TEX15: variants seen among roughly 807,000 people sequenced by gnomAD.
The protein encoded by TEX15 is testis-expressed protein 15.
A neutral mutation model predicts 237.3 loss-of-function variants in TEX15; 171 were observed. The ratio of observed to expected loss-of-function variants is 0.72; its 90% CI spans 0.64 to 0.82. The LOEUF (loss-of-function observed/expected upper bound fraction) is 0.82. Among genes scored for constraint, TEX15 ranks in the 40% least tolerant of loss-of-function variants. The pLI is 0.00. For missense variants in TEX15, 3,750 were observed against 3,646.5 expected (o/e 1.03, Z -0.73); for synonymous variants, 1,338 against 1,269.8 (o/e 1.05, Z -1.14).
At chr8:30,886,369 T>G (rs889571420) in intron 3 of TEX15, among the ~76,000 whole-genome samples, 1 of 152,200 alleles carries the variant, frequency 6.6e-6, no homozygotes, top group African/African-American at 2.4e-5. Flanking sequence ...TGGTCCCCAC[T>G]CATCCTCCAC....
chr8:30,845,731 T>C lies in TEX15; in HGVS notation c.4436A>G (p.Lys1479Arg). ...AAGGCATTTTTTCTCTCCACTTGTT[T>C]TATAAGACTTGTGCTTTGACACATG... ...LTHVSKHKSY[K>R]TSGEKKCLSR... The change falls in exon 8 of 11, where the codon AAA becomes AGA. Residue 1479 changes from lysine (K) to arginine (R), a missense_variant. Transcript: ENST00000643185. The C allele has an allele frequency of 6.2e-7, 1 of 1,613,686 alleles. No homozygotes were observed. The highest frequency in any genetic ancestry group is 8.5e-7 in the Non-Finnish European group (1 of 1,179,646).
In TEX15 at chr8:30,844,084, G is replaced by C; in HGVS notation, c.6083C>G (p.Pro2028Arg). The change falls in exon 8 of 11, where the codon CCT (proline) becomes CGT (arginine). Residue 2028 changes from proline to arginine, a missense_variant. Transcript: ENST00000643185. Reference protein sequence around the residue: ...EETKVCLNILPLFVEAFERKQ... With the variant: ...EETKVCLNILRLFVEAFERKQ... ...TCTTTCAAAAGCTTCCACAAATAAA[G>C]GGAGAATATTTAGACAAACCTTAGT... 1.2e-6 allele frequency: 2 copies of C among 1,612,756 alleles called. No individual in the cohort carries two copies. Among genetic ancestry groups the C allele is most frequent in the Non-Finnish European group, 1.7e-6 (2 of 1,179,492 alleles).
At chr8:30,903,931 C>T (rs1809050308) in intron 1 of TEX15, among the ~76,000 whole-genome samples, 2 of 152,074 alleles carry the variant, frequency 1.3e-5, no homozygotes, top group Non-Finnish European at 2.9e-5. Flanking sequence ...ATGTACAACC[C>T]CAAACTGAGT....
Position 30,873,448 on chromosome 8 carries a change from T to G in TEX15, c.302+1489A>C, listed in dbSNP as rs1356051876. 2.6e-5 allele frequency among the ~76,000 whole-genome samples: 4 copies of G among 152,152 alleles called. No homozygotes were observed. The East Asian group carries it at 7.7e-4, about 29-fold the overall frequency. ...AAGGCACTCTAATATGCTGAGTTTT[T>G]GGTAGAAATTTTCTCAAAAACTACA... On this transcript the variant is annotated intron_variant, in intron 4 of 10. Coordinates refer to ENST00000643185, the MANE Select transcript of TEX15 (RefSeq NM_001350162.2).
chr8:30,891,146 C>T (rs1319156699), intron 2 of TEX15, among the ~76,000 whole-genome samples: 6 of 151,770 alleles, frequency 4.0e-5, no homozygotes, highest in East Asian at 1.9e-4. Flanking sequence ...TGAGCTCAAG[C>T]GATCAATAAA....
At position 30,842,133 on chromosome 8, in the gene TEX15, G is replaced by A. The variant is rs546786102; in HGVS notation, c.8034C>T (p.Pro2678=). ...TTTTGTTTATGCACTCTGATACTGG[G>A]GGCAACATCGTAGAAATACTAAATT... ...NNKFSISTML[P]PVSECINKNI... The change falls in exon 8 of 11, where the codon CCC becomes CCT. Residue 2678 remains proline, a synonymous_variant. Transcript: ENST00000643185. 3.1e-6 allele frequency: 5 copies of A among 1,613,270 alleles called. No homozygotes were observed. The East Asian group carries it at 1.1e-4, about 36-fold the overall frequency.
chr8:30,880,700 T>C (rs772295806), intron 3 of TEX15, among the ~76,000 whole-genome samples: 1 of 151,692 alleles, frequency 6.6e-6, no homozygotes. Flanking sequence ...GTTCATGTTA[T>C]CAGTAAGGCT....
chr8:30,839,398 T>G (rs1807392102), intron 9 of TEX15, among the ~76,000 whole-genome samples: 1 of 151,668 alleles, frequency 6.6e-6, no homozygotes, highest in South Asian at 2.1e-4. Context: ...AATGCCAGTT[T>G]TGAAATTTGC....
chr8:30,848,486 C>CCTT lies in TEX15; in HGVS notation c.1678_1680dup (p.Lys560dup). 6.2e-7 allele frequency: 1 copy of CCTT among 1,614,110 alleles called. No individual in the cohort carries two copies. Among genetic ancestry groups the CCTT allele is most frequent in the Non-Finnish European group, 8.5e-7 (1 of 1,179,990 alleles). ...CCGGACTCCTGTTGGGCTCTCTGAG[C>CCTT]CTTCTCCTCACTGTGGTTTTGGTTC... is the stretch of plus-strand genomic sequence containing the variant. On this transcript the variant is annotated inframe_insertion, in exon 8 of 11. Coordinates refer to ENST00000643185, the MANE Select transcript of TEX15 (RefSeq NM_001350162.2).
Position 30,891,486 on chromosome 8 carries a change from CCCT to C in TEX15, c.-9-4178_-9-4176del, listed in dbSNP as rs1257563274. ...AGTTTGCATTTTCTCCCCGCACCCCCCCTTTTTTTTTTCGACAATGTCTTGCTC... is the reference window on the plus strand; with the variant it reads ...AGTTTGCATTTTCTCCCCGCACCCCCTTTTTTTTTCGACAATGTCTTGCTC... On this transcript the variant is annotated intron_variant, in intron 2 of 10. Transcript: ENST00000643185. 2.6e-5 allele frequency among the ~76,000 whole-genome samples: 4 copies of C among 152,160 alleles called. No individual in the cohort carries two copies. The East Asian group carries it at 7.7e-4, about 29-fold the overall frequency.
At chr8:30,880,450 T>G (rs1400029121) in intron 3 of TEX15, among the ~76,000 whole-genome samples, 1 of 152,202 alleles carries the variant, frequency 6.6e-6, no homozygotes, top group African/African-American at 2.4e-5. Context: ...CAACTTATAC[T>G]TGGATTTTCT....
At chr8:30,876,778 T>C (rs182595444) in intron 3 of TEX15, among the ~76,000 whole-genome samples, 1 of 152,252 alleles carries the variant, frequency 6.6e-6, no homozygotes, top group Non-Finnish European at 1.5e-5. Flanking sequence ...ACAATTGATA[T>C]GGTTTGGCTG....
Position 30,844,497 on chromosome 8 carries a change from A to G in TEX15, c.5670T>C (p.Ile1890=), listed in dbSNP as rs754107523. The stretch of plus-strand genomic sequence containing the variant: ...GATGGGAATCAATCAAGTTAGTTGT[A>G]ATAATTTTCTCATTTAAGCAGGATT... ...SEESCLNEKI[I]TTNLIDSHLS... is the part of the protein sequence containing the mutation. The change falls in exon 8 of 11, where the codon ATT becomes ATC. Residue 1890 remains isoleucine (I), a synonymous_variant. Transcript: ENST00000643185. 6.2e-7 allele frequency: 1 copy of G among 1,613,124 alleles called. No individual in the cohort carries two copies. The highest frequency in any genetic ancestry group is 1.7e-5 in the Admixed American group (1 of 59,978).
chr8:30,861,479 T>A (rs1296687463), intron 5 of TEX15, among the ~76,000 whole-genome samples: 1 of 152,118 alleles, frequency 6.6e-6, no homozygotes, highest in Non-Finnish European at 1.5e-5. Context: ...ATCAAAACAA[T>A]ACTAAGAATA....
rs776792928 is a variant in TEX15, at chr8:30,842,610, C to A, written c.7557G>T (p.Lys2519Asn). Residue 2519 changes from lysine (K) to asparagine (N), a missense_variant, in exon 8 of 11, where the codon AAG (lysine) becomes AAT (asparagine). By Grantham distance (94) the Lys-to-Asn change is moderately conservative. Coordinates refer to ENST00000643185, the MANE Select transcript of TEX15 (RefSeq NM_001350162.2). ...KVIETAVSEL[K>N]KDLDIICKYN... is the part of the protein sequence containing the mutation. Reference sequence around the variant, plus strand: ...ATTTGCAGATAATATCCAGATCTTTCTTAAGTTCGGAAACAGCAGTCTCTA... The same window carrying A: ...ATTTGCAGATAATATCCAGATCTTTATTAAGTTCGGAAACAGCAGTCTCTA... The A allele has an allele frequency of 6.2e-7, 1 of 1,611,262 alleles. No homozygotes were observed. The highest frequency in any genetic ancestry group is 8.5e-7 in the Non-Finnish European group (1 of 1,179,788).
chr8:30,905,350 A>T (rs1809080199), intron 1 of TEX15, among the ~76,000 whole-genome samples: 1 of 151,734 alleles, frequency 6.6e-6, no homozygotes, highest in African/African-American at 2.4e-5. Flanking sequence ...ATAGCATTCT[A>T]GGCAGAGAAT....
At chr8:30,896,973 C>A (rs2128778209) in intron 2 of TEX15, among the ~76,000 whole-genome samples, 1 of 152,280 alleles carries the variant, frequency 6.6e-6, no homozygotes, top group African/African-American at 2.4e-5. Context: ...TCTAAATTCT[C>A]AGGGCCAACC....
intron 10 of TEX15, among the ~76,000 whole-genome samples, chr8:30,834,671 C>T (rs572852294): frequency 1.2e-4 from 19 of 152,110 alleles, no homozygotes; most frequent in Non-Finnish European, 2.4e-4. Context: ...TATGGTCCTA[C>T]GGGAGAACAT....
At position 30,844,299 on chromosome 8, in the gene TEX15, A is replaced by T; in HGVS notation, c.5868T>A (p.Asn1956Lys). Residue 1956 changes from asparagine (N) to lysine (K), a missense_variant, in exon 8 of 11, where the codon AAT (asparagine) becomes AAA (lysine). By Grantham distance (94) the Asn-to-Lys change is moderately conservative (BLOSUM62 0). Coordinates refer to ENST00000643185, the MANE Select transcript of TEX15 (RefSeq NM_001350162.2). ...AGTGGGCAGGTAAAATAGGCGTATGATTAACTCCTAGAATTCCTGGTTTGG... is the reference window on the plus strand; with the variant it reads ...AGTGGGCAGGTAAAATAGGCGTATGTTTAACTCCTAGAATTCCTGGTTTGG... ...YISKPGILGV[N>K]HTPILPAHSE... The T allele has an allele frequency of 6.2e-7, 1 of 1,613,406 alleles. No homozygotes were observed. Among genetic ancestry groups the T allele is most frequent in the Non-Finnish European group, 8.5e-7 (1 of 1,179,532 alleles).
Sources: gnomAD v4.1 joint callset for allele counts (sites outside exome capture counted in the v4.1 genomes callset) on GRCh38, gnomAD v4.1.1 for gene constraint, MANE v1.5 for transcripts, NCBI Gene and HGNC (gene_info 2026-07-23, HGNC 2026-07-21) for gene names.